GLI2: variants seen among roughly 807,000 people sequenced by gnomAD.
GLI2 encodes GLI family zinc finger 2, also known as transcription activator GLI2.
In GLI2, 22 loss-of-function variants were observed where a neutral mutation model predicts 78.9. The observed-to-expected ratio is 0.28, with a 90% CI of 0.20 to 0.40. GLI2 has a LOEUF of 0.40. GLI2 is among the 10% of genes least tolerant of loss of function. The pLI is 1.00. For synonymous variants in GLI2, 974 were observed against 963.7 expected (o/e 1.01, Z -0.20); for missense variants, 2,097 against 2,213.2 (o/e 0.95, Z 1.05).
At chr2:120,961,309 C>T (rs1681543825) in intron 5 of GLI2, among the ~76,000 whole-genome samples, 1 of 152,158 alleles carries the variant, frequency 6.6e-6, no homozygotes, top group South Asian at 2.1e-4. Flanking sequence ...CCCAGAGAGG[C>T]AGGAAGAGCT....
At chr2:120,972,812 C>G in intron 8 of GLI2, 1 of 446,980 alleles carries the variant, frequency 2.2e-6, no homozygotes, top group Middle Eastern at 3.6e-4. Flanking sequence ...TGCAGGCCTA[C>G]CACGTGGCCC....
chr2:120,948,177 G>A (rs1391813685), intron 3 of GLI2, among the ~76,000 whole-genome samples: 1 of 152,246 alleles, frequency 6.6e-6, no homozygotes, highest in Non-Finnish European at 1.5e-5. Flanking sequence ...TGGCCGCACA[G>A]CATGGAGAAT....
chr2:120,842,401 C>A (rs10168663), intron 2 of GLI2, among the ~76,000 whole-genome samples: 2,561 of 152,210 alleles, frequency 0.017, 80 homozygotes, highest in African/African-American at 0.058. Flanking sequence ...CCATATCAGA[C>A]CTGGAGCGCT....
intron 2 of GLI2, among the ~76,000 whole-genome samples, chr2:120,909,789 C>T (rs1012322022): frequency 1.2e-4 from 18 of 152,156 alleles, no homozygotes; most frequent in African/African-American, 2.7e-4. Flanking sequence ...GGCATGAACC[C>T]GGGAGGCGGA....
At chr2:120,772,970 C>T (rs1683566279) in intron 1 of GLI2, among the ~76,000 whole-genome samples, 3 of 152,202 alleles carry the variant, frequency 2.0e-5, no homozygotes, top group Non-Finnish European at 2.9e-5. Context: ...TAGCATAAAC[C>T]CTTCCCATGT....
intron 1 of GLI2, among the ~76,000 whole-genome samples, chr2:120,739,702 G>A (rs1433469317): frequency 6.6e-6 from 1 of 152,206 alleles, no homozygotes; most frequent in Non-Finnish European, 1.5e-5. Context: ...ACCCGGGGGA[G>A]CACTTCCCCC....
chr2:120,970,036 C>T (rs955566860), intron 6 of GLI2, among the ~76,000 whole-genome samples: 7 of 152,252 alleles, frequency 4.6e-5, no homozygotes, highest in South Asian at 2.1e-4. Context: ...GAACAGGATT[C>T]GGAGGCCTCA....
At chr2:120,924,955 T>C (rs1321578871) in intron 2 of GLI2, among the ~76,000 whole-genome samples, 1 of 152,264 alleles carries the variant, frequency 6.6e-6, no homozygotes, top group Non-Finnish European at 1.5e-5. Context: ...AGGTAGTTAC[T>C]GTTATCCATT....
chr2:120,783,730 C>G (rs542401005), intron 1 of GLI2, among the ~76,000 whole-genome samples: 1 of 152,276 alleles, frequency 6.6e-6, no homozygotes, highest in East Asian at 1.9e-4. Context: ...TGCTTTCCTC[C>G]TCCTCCTCCC....
intron 1 of GLI2, among the ~76,000 whole-genome samples, chr2:120,760,028 AG>A (rs1683166795): frequency 6.6e-6 from 1 of 152,226 alleles, no homozygotes; most frequent in Non-Finnish European, 1.5e-5. Context: ...CTCTTGGATG[AG>A]GGAGGGGCTT....
At chr2:120,976,284 A>T (rs950009199) in intron 9 of GLI2, among the ~76,000 whole-genome samples, 16 of 152,276 alleles carry the variant, frequency 1.1e-4, no homozygotes, top group African/African-American at 3.9e-4. Flanking sequence ...AGCATTTAGG[A>T]CACGCCGACT....
intron 2 of GLI2, among the ~76,000 whole-genome samples, chr2:120,872,533 A>C (rs899220744): frequency 1.3e-5 from 2 of 152,250 alleles, no homozygotes; most frequent in African/African-American, 4.8e-5. Flanking sequence ...GTCAACACCA[A>C]GAAGTGGGCA....
intron 2 of GLI2, among the ~76,000 whole-genome samples, chr2:120,880,632 G>A (rs1235920971): frequency 1.3e-5 from 2 of 152,016 alleles, no homozygotes; most frequent in Non-Finnish European, 2.9e-5. Flanking sequence ...TTCTGTCCAG[G>A]TCCTGAAACA....
At chr2:120,786,098 G>C (rs770977935) in intron 1 of GLI2, among the ~76,000 whole-genome samples, 1 of 152,194 alleles carries the variant, frequency 6.6e-6, no homozygotes, top group Non-Finnish European at 1.5e-5. Context: ...CCCAGGATCC[G>C]TAAGAGGACA....
At chr2:120,984,418 CA>C (rs1279183768) in intron 11 of GLI2, 52 bp from the exon 12 acceptor site, 4 of 1,590,140 alleles carry the variant, frequency 2.5e-6, no homozygotes, top group Non-Finnish European at 3.5e-6. Flanking sequence ...AGCGCCCCTT[CA>C]GAGTTGATCC....
chr2:120,945,479 A>T (rs928234537), intron 3 of GLI2, among the ~76,000 whole-genome samples: 1 of 152,198 alleles, frequency 6.6e-6, no homozygotes, highest in Admixed American at 6.5e-5. Context: ...GACAGGCCCG[A>T]GCACTTATGG....
chr2:120,879,173 T>G (rs2104703681), intron 2 of GLI2, among the ~76,000 whole-genome samples: 1 of 152,288 alleles, frequency 6.6e-6, no homozygotes, highest in Admixed American at 6.5e-5. Flanking sequence ...GACTTCACTT[T>G]CTATGGCTTA....
chr2:120,859,669 G>A (rs1687815958), intron 2 of GLI2, among the ~76,000 whole-genome samples: 1 of 151,966 alleles, frequency 6.6e-6, no homozygotes, highest in Non-Finnish European at 1.5e-5. Context: ...TGGCCACAAT[G>A]GTCTCCATCT....
chr2:120,988,435 C>T lies in GLI2; in HGVS notation c.2470C>T (p.Leu824=). 6.4e-7 allele frequency: 1 copy of T among 1,574,616 alleles called. No individual in the cohort carries two copies. Among genetic ancestry groups the T allele is most frequent in the Non-Finnish European group, 8.5e-7 (1 of 1,170,078 alleles). ...CCGCCGCTCCAGCGAGGCCTCGCCC[C>T]TGGGCGCCGGCCGCCCGCACAACGC... ...SSRRSSEASP[L]GAGRPHNASS... Residue 824 remains leucine (L), a synonymous_variant, in exon 14 of 14, where the codon CTG becomes TTG. Transcript: ENST00000361492.
Sources: gnomAD v4.1 joint callset for allele counts (sites outside exome capture counted in the v4.1 genomes callset) on GRCh38, gnomAD v4.1.1 for gene constraint, MANE v1.5 for transcripts, NCBI Gene and HGNC (gene_info 2026-07-23, HGNC 2026-07-21) for gene names.